The following SHISA9 variants were observed in gnomAD, a reference collection of about 807,000 sequenced individuals.
SHISA9 encodes protein shisa-9.
SHISA9 carries 13 observed loss-of-function variants against 38.0 expected under a neutral mutation model. The observed-to-expected ratio is 0.34, with a 90% CI of 0.22 to 0.54. The LOEUF (loss-of-function observed/expected upper bound fraction) is 0.54. Ranked by LOEUF, SHISA9 falls within the 20% of genes least tolerant of loss-of-function variation. The pLI is 0.91. For synonymous variants in SHISA9, 275 were observed against 242.0 expected (o/e 1.14, Z -1.27); for missense variants, 538 against 575.8 (o/e 0.93, Z 0.67).
chr16:13,336,921 T>C, the SHISA9 span, among the ~76,000 whole-genome samples: 126 of 152,312 alleles, frequency 8.3e-4, no homozygotes, highest in African/African-American at 2.8e-3. Context: ...GTGGAACAGA[T>C]GCAAGAAAAT....
intron 1 of SHISA9, chr16:12,908,527 G>A (rs1168379629): frequency 2.6e-6 from 4 of 1,552,044 alleles, no homozygotes; most frequent in South Asian, 2.4e-5. Context: ...CTTTCCAAGA[G>A]GACGAACCTG....
chr16:13,515,235 T>C, the SHISA9 span, among the ~76,000 whole-genome samples: 3 of 151,982 alleles, frequency 2.0e-5, no homozygotes, highest in East Asian at 5.8e-4. Flanking sequence ...TAAAGAACTT[T>C]CCAGACATAC....
In SHISA9 at chr16:13,234,120, T is replaced by C. The variant is rs577956553; in HGVS notation, c.896-910T>C. Among the ~76,000 whole-genome samples the C allele has an allele frequency of 5.8e-4, 88 of 152,360 alleles. No individual in the cohort carries two copies. The Middle Eastern group carries it at 0.014, about 24-fold the overall frequency. ...TTGCTATTACATACAACTGTATTTG[T>C]AATAGCAAAATATTGGCACAATTAG... is the stretch of plus-strand genomic sequence containing the variant. On this transcript the variant is annotated intron_variant, in intron 4 of 4. Coordinates refer to ENST00000558583, the MANE Select transcript of SHISA9 (RefSeq NM_001145204.3).
the SHISA9 span, among the ~76,000 whole-genome samples, chr16:13,553,978 C>G: frequency 1.6e-4 from 25 of 152,158 alleles, no homozygotes; most frequent in Admixed American, 3.9e-4. Context: ...CTATTAAAAT[C>G]TAGCATGCAC....
chr16:13,180,427 C>T (rs7185907), intron 2 of SHISA9, among the ~76,000 whole-genome samples: 2 of 151,970 alleles, frequency 1.3e-5, no homozygotes, highest in Non-Finnish European at 2.9e-5. Flanking sequence ...AGCCAGGCAC[C>T]GTGGCTCACA....
At chr16:13,550,745 A>C in the SHISA9 span, among the ~76,000 whole-genome samples, 1 of 152,206 alleles carries the variant, frequency 6.6e-6, no homozygotes, top group Admixed American at 6.5e-5. Flanking sequence ...GTGACTAATA[A>C]AAGTTTTCCC....
chr16:13,432,079 T>G, the SHISA9 span, among the ~76,000 whole-genome samples: 2 of 152,084 alleles, frequency 1.3e-5, no homozygotes, highest in African/African-American at 4.8e-5. Context: ...CAAAAAAGCT[T>G]AAATAACAAA....
chr16:12,951,815 G>A (rs1456453029), intron 2 of SHISA9, among the ~76,000 whole-genome samples: 1 of 152,198 alleles, frequency 6.6e-6, no homozygotes, highest in Non-Finnish European at 1.5e-5. Context: ...GGGTTGCGGT[G>A]GAGCAGGGAA....
At chr16:12,983,783 C>T (rs543080856) in intron 2 of SHISA9, among the ~76,000 whole-genome samples, 11 of 152,276 alleles carry the variant, frequency 7.2e-5, no homozygotes, top group African/African-American at 1.4e-4. Context: ...CCACCGTGCC[C>T]GGCCCAGTTT....
chr16:12,927,003 C>T (rs1020165821), intron 2 of SHISA9, among the ~76,000 whole-genome samples: 1 of 152,182 alleles, frequency 6.6e-6, no homozygotes, highest in African/African-American at 2.4e-5. Flanking sequence ...ACCGAAATTT[C>T]AGGATCAGCT....
chr16:13,260,869 A>G, the SHISA9 span, among the ~76,000 whole-genome samples: 2 of 152,316 alleles, frequency 1.3e-5, no homozygotes, highest in East Asian at 1.9e-4. Context: ...GAACAAAAAA[A>G]GGTTTAATTG....
At position 13,235,175 on chromosome 16, in the gene SHISA9, A is replaced by T. The variant is rs1465453291; in HGVS notation, c.1041A>T (p.Gly347=). The part of the protein sequence containing the change: ...SPEHGPAKQN[G]QKSRTNKMPP... ...AGCACGGTCCTGCCAAGCAGAATGG[A>T]CAGAAGTCCCGCACCAACAAGATGC... is the stretch of plus-strand genomic sequence containing the variant. The change falls in exon 5 of 5, where the codon GGA becomes GGT. Residue 347 remains glycine, a synonymous_variant. Transcript: ENST00000558583. 1.9e-6 allele frequency: 3 copies of T among 1,551,552 alleles called. No individual in the cohort carries two copies. The African/African-American group carries it at 4.1e-5, about 21-fold the overall frequency.
chr16:13,327,454 A>G, the SHISA9 span, among the ~76,000 whole-genome samples: 1 of 152,004 alleles, frequency 6.6e-6, no homozygotes, highest in Non-Finnish European at 1.5e-5. Context: ...CATCTCTACT[A>G]AAAATACAAA....
intron 2 of SHISA9, among the ~76,000 whole-genome samples, chr16:13,183,873 G>A (rs1021166730): frequency 1.6e-4 from 25 of 152,156 alleles, no homozygotes; most frequent in Admixed American, 5.2e-4. Context: ...AGTGACCATG[G>A]ATTGGATGTG....
the SHISA9 span, among the ~76,000 whole-genome samples, chr16:13,306,309 G>C: frequency 6.6e-6 from 1 of 152,126 alleles, no homozygotes; most frequent in Non-Finnish European, 1.5e-5. Context: ...TAAACAAGTG[G>C]TGGTTGTGCC....
chr16:13,536,679 C>T, the SHISA9 span, among the ~76,000 whole-genome samples: 14 of 152,170 alleles, frequency 9.2e-5, no homozygotes, highest in Admixed American at 2.6e-4. Context: ...TGTACAAAGA[C>T]AGTAGCCATG....
the SHISA9 span, among the ~76,000 whole-genome samples, chr16:13,365,151 A>G: frequency 6.6e-6 from 1 of 152,134 alleles, no homozygotes; most frequent in African/African-American, 2.4e-5. Flanking sequence ...TTCAAAACAA[A>G]CTGGGGAAGG....
the SHISA9 span, among the ~76,000 whole-genome samples, chr16:13,273,237 C>T: frequency 1.3e-5 from 2 of 152,192 alleles, no homozygotes; most frequent in East Asian, 3.9e-4. Flanking sequence ...GGTAAGACAT[C>T]TCAACGACAT....
chr16:13,552,417 G>A, the SHISA9 span, among the ~76,000 whole-genome samples: 1 of 151,980 alleles, frequency 6.6e-6, no homozygotes, highest in Admixed American at 6.5e-5. Flanking sequence ...GGAAGGGCAG[G>A]TGTCACGATG....
Sources: allele counts gnomAD v4.1 joint callset (sites outside exome capture counted in the v4.1 genomes callset), GRCh38; gene constraint gnomAD v4.1.1; transcripts MANE v1.5; gene names NCBI Gene and HGNC (gene_info 2026-07-23, HGNC 2026-07-21).